MOK: variants seen among roughly 807,000 people sequenced by gnomAD.
The protein encoded by MOK is MAPK/MAK/MRK overlapping kinase.
Under a neutral mutation model 54.2 loss-of-function variants are expected in MOK, and 59 were observed. The observed-to-expected ratio is 1.09, with a 90% CI of 0.88 to 1.35. The LOEUF (loss-of-function observed/expected upper bound fraction) is 1.35. Ranked by LOEUF, MOK falls within the 40% of genes most tolerant of loss-of-function variation. The probability of loss-of-function intolerance (pLI) is 0.00; values close to 1 mark genes in which losing one functional copy is unlikely to be tolerated. For missense variants in MOK, 517 were observed against 526.2 expected (o/e 0.98, Z 0.17); for synonymous variants, 210 against 202.7 (o/e 1.04, Z -0.31).
intron 4 of MOK, among the ~76,000 whole-genome samples, chr14:102,252,632 T>G (rs1462757247): frequency 6.6e-6 from 1 of 152,216 alleles, no homozygotes; most frequent in African/African-American, 2.4e-5. Context: ...CTGGGGAAAC[T>G]GCTAAGTTTC....
chr14:102,229,847 A>T, intron 10 of MOK, 190 bp from the exon 11 acceptor site: 1 of 595,296 alleles, frequency 1.7e-6, no homozygotes, highest in Non-Finnish European at 2.9e-6. Flanking sequence ...CCCACGGGGG[A>T]GGCCAAACCT....
intron 1 of MOK, among the ~76,000 whole-genome samples, chr14:102,288,230 AGT>A (rs2070363617): frequency 6.6e-6 from 1 of 152,350 alleles, no homozygotes; most frequent in Non-Finnish European, 1.5e-5. Context: ...AAAACCTGTA[AGT>A]GAATGTTCAC....
In MOK at chr14:102,232,522, C is replaced by T. The variant is rs530570971; in HGVS notation, c.866+13G>A. 41 of 1,608,088 alleles carry T rather than the reference C, an allele frequency of 2.5e-5. No individual in the cohort carries two copies. Among genetic ancestry groups the T allele is most frequent in the African/African-American group, 5.3e-5 (4 of 74,906 alleles). ...TCCTGCATCTGCCCCACCGAACCCA[C>T]GAGAGTGCCTACCTCTGTTCTTGGA... On this transcript the variant is annotated intron_variant, in intron 9 of 11. Transcript: ENST00000361847. The surrounding 1 kb of genome is among the most constrained non-coding windows in gnomAD (Gnocchi z 5.1).
downstream of MOK, chr14:102,224,467 ATT>A: frequency 2.4e-6 from 1 of 410,670 alleles, no homozygotes; most frequent in Non-Finnish European, 4.8e-6. Flanking sequence ...AAGAATGTTT[ATT>A]TATTTTTTTA....
At chr14:102,291,552 T>C (rs2070759675) in intron 1 of MOK, among the ~76,000 whole-genome samples, 1 of 152,172 alleles carries the variant, frequency 6.6e-6, no homozygotes, top group Non-Finnish European at 1.5e-5. Context: ...AATTTACCCC[T>C]TCTCTTAAAT....
chr14:102,226,681 A>G (rs1217444473), downstream of MOK, among the ~76,000 whole-genome samples: 1 of 152,194 alleles, frequency 6.6e-6, no homozygotes, highest in African/African-American at 2.4e-5. This position sits in a 1 kb window ranked among gnomAD's most constrained non-coding sequence, Gnocchi z 4.8. Flanking sequence ...AGGCAGGTGC[A>G]AGGGCCAAGT....
rs2153103573 is a variant in MOK, at chr14:102,245,714, C to A, written c.590+5098G>T. 6.6e-6 allele frequency among the ~76,000 whole-genome samples: 1 copy of A among 152,268 alleles called. No individual in the cohort carries two copies. Among genetic ancestry groups the A allele is most frequent in the South Asian group, 2.1e-4 (1 of 4,826 alleles). On this transcript the variant is annotated intron_variant, in intron 7 of 11. Transcript: ENST00000361847. This position sits in a 1 kb window ranked among gnomAD's most constrained non-coding sequence, Gnocchi z 4.3. ...GCCTGCACCCAGGTGAAATAAATAG[C>A]CTTGTTGCTCACACAAAGCCTGTTT...
In MOK at chr14:102,250,957, A is replaced by G; in HGVS notation, c.445T>C (p.Cys149Arg). 4 of 1,614,142 alleles carry G rather than the reference A, an allele frequency of 2.5e-6. No homozygotes were observed. The highest frequency in any genetic ancestry group is 3.4e-6 in the Non-Finnish European group (4 of 1,180,030). ...DVLKLGDFGS[C>R]RSVYSKQPYT... Reference sequence around the variant, plus strand: ...GGCTGCTTGGAATAGACACTCCGGCAGGAGCCAAAGTCCCCTAATTTCAGG... The same window carrying G: ...GGCTGCTTGGAATAGACACTCCGGCGGGAGCCAAAGTCCCCTAATTTCAGG... Residue 149 changes from cysteine (C) to arginine (R), a missense_variant, in exon 7 of 12, where the codon TGC (cysteine) becomes CGC (arginine). By Grantham distance (180) the Cys-to-Arg change is radical. Transcript: ENST00000361847.
At chr14:102,288,410 T>C (rs908012545) in intron 1 of MOK, among the ~76,000 whole-genome samples, 5 of 152,198 alleles carry the variant, frequency 3.3e-5, no homozygotes, top group Admixed American at 2.6e-4. Flanking sequence ...GAGGACATTA[T>C]GCTAAGTGAA....
chr14:102,224,017 A>G (rs944456537), downstream of MOK, among the ~76,000 whole-genome samples: 15 of 151,738 alleles, frequency 9.9e-5, no homozygotes, highest in African/African-American at 3.6e-4. Flanking sequence ...TGAACTAGCT[A>G]ATCACACTGT....
intron 2 of MOK, among the ~76,000 whole-genome samples, chr14:102,272,631 G>A (rs2068473817): frequency 6.6e-6 from 1 of 152,126 alleles, no homozygotes; most frequent in South Asian, 2.1e-4. Flanking sequence ...ATTCAAAAAT[G>A]AATGAATGTT....
At chr14:102,222,711 C>A, downstream of MOK, 1 of 1,010,828 alleles carries the variant, frequency 9.9e-7, no homozygotes, top group Non-Finnish European at 1.6e-6. This position sits in a 1 kb window ranked among gnomAD's most constrained non-coding sequence, Gnocchi z 4.4. Flanking sequence ...TGCTCCCACA[C>A]TGGCTTCCAC....
At chr14:102,298,356 T>A (rs567441955) in intron 1 of MOK, among the ~76,000 whole-genome samples, 3 of 151,862 alleles carry the variant, frequency 2.0e-5, no homozygotes, top group South Asian at 4.2e-4. Context: ...TAGCTCAAAG[T>A]TTGTAAACAC....
chr14:102,291,476 T>C (rs1020580408), intron 1 of MOK, among the ~76,000 whole-genome samples: 4 of 152,158 alleles, frequency 2.6e-5, no homozygotes, highest in African/African-American at 9.7e-5. Flanking sequence ...CAGACCCTCA[T>C]ACTGACCTAC....
downstream of MOK, chr14:102,225,565 C>T (rs1424996239): frequency 1.3e-5 from 2 of 152,732 alleles, no homozygotes; most frequent in Non-Finnish European, 2.9e-5. Context: ...AGCTCTGCCT[C>T]AGCCCAGTCT....
Position 102,232,849 on chromosome 14 carries a change from G to T in MOK, c.693-141C>A. On this transcript the variant is annotated intron_variant, in intron 8 of 11. Transcript: ENST00000361847. The surrounding 1 kb of genome is among the most constrained non-coding windows in gnomAD (Gnocchi z 5.1). ...ACACCTGTCCCAGCCCACAGAACGT[G>T]CACCACCAAGAGGGACCCCTGATGT... The T allele has an allele frequency of 1.5e-6, 1 of 664,610 alleles. No individual in the cohort carries two copies. The highest frequency in any genetic ancestry group is 2.5e-6 in the Non-Finnish European group (1 of 402,618). 41.2% of individuals were successfully genotyped at this position (664,610 alleles called of 1,614,324 possible).
At chr14:102,270,114 C>T (rs74956898) in intron 2 of MOK, among the ~76,000 whole-genome samples, 8,275 of 152,118 alleles carry the variant, frequency 0.054, 286 homozygotes, top group African/African-American at 0.1. Flanking sequence ...GAAATCAGTA[C>T]AGTAAGTTAT....
At chr14:102,219,120 G>A in the MOK span, among the ~76,000 whole-genome samples, 3 of 152,198 alleles carry the variant, frequency 2.0e-5, no homozygotes, top group South Asian at 2.1e-4. Flanking sequence ...AGCTGCAGCC[G>A]GGATCCTTCC....
At position 102,230,304 on chromosome 14, in the gene MOK, C is replaced by G. The variant is rs139452254; in HGVS notation, c.982-647G>C. The G allele has an allele frequency of 2.6e-5, 4 of 152,482 alleles. No individual in the cohort carries two copies. The East Asian group carries it at 7.7e-4, about 29-fold the overall frequency. 9.4% of individuals were successfully genotyped at this position (152,482 alleles called of 1,614,324 possible). A position where few individuals can be genotyped will look rare whatever the true frequency, so the allele number is the denominator to read the frequency against. On this transcript the variant is annotated intron_variant, in intron 10 of 11. Coordinates refer to ENST00000361847, the MANE Select transcript of MOK (RefSeq NM_014226.3). This position sits in a 1 kb window ranked among gnomAD's most constrained non-coding sequence, Gnocchi z 4.1. ...CTCAAGTGATCCTACCCTGGCCTCC[C>G]TAAGCACTGGGTTTACAGGTGTGAG...
Sources: gnomAD v4.1 joint callset for allele counts (sites outside exome capture counted in the v4.1 genomes callset) on GRCh38, gnomAD v4.1.1 for gene constraint, Gnocchi (gnomAD v3.1) non-coding constraint, MANE v1.5 for transcripts, NCBI Gene and HGNC (gene_info 2026-07-23, HGNC 2026-07-21) for gene names.